PDE5A: variants seen among roughly 807,000 people sequenced by gnomAD.
PDE5A encodes phosphodiesterase 5A, also known as cGMP-specific 3',5'-cyclic phosphodiesterase.
Under a neutral mutation model 110.2 loss-of-function variants are expected in PDE5A, and 67 were observed. The ratio of observed to expected loss-of-function variants is 0.61; its 90% CI spans 0.50 to 0.75. The LOEUF is 0.75. PDE5A is among the 30% of genes least tolerant of loss of function. The pLI, the probability that PDE5A is intolerant of heterozygous loss-of-function variation, is 0.00. For missense variants in PDE5A, 862 were observed against 1,045.1 expected, an observed-to-expected ratio of 0.82 and a Z score of 2.42; for synonymous variants, 328 against 351.2, an observed-to-expected ratio of 0.93 and a Z score of 0.74.
intron 13 of PDE5A, 156 bp from the exon 14 acceptor site, chr4:119,519,295 C>T: frequency 3.6e-6 from 2 of 559,748 alleles, no homozygotes; most frequent in East Asian, 5.8e-5. Flanking sequence ...TCCTATTCTT[C>T]AGGGAATTAG....
chr4:119,591,104 C>T (rs571531677), intron 3 of PDE5A, among the ~76,000 whole-genome samples: 2 of 152,254 alleles, frequency 1.3e-5, no homozygotes, highest in South Asian at 4.2e-4. Flanking sequence ...AGAGGGTAAT[C>T]AATAGACTAT....
At chr4:119,604,521 T>G (rs747421443) in intron 2 of PDE5A, among the ~76,000 whole-genome samples, 1 of 152,128 alleles carries the variant, frequency 6.6e-6, no homozygotes, top group Non-Finnish European at 1.5e-5. Context: ...AATACCCCTC[T>G]TGGAATCTGC....
chr4:119,504,487 A>G, intron 18 of PDE5A, 49 bp downstream of exon 18: 1 of 1,428,898 alleles, frequency 7.0e-7, no homozygotes, highest in Non-Finnish European at 9.8e-7. Flanking sequence ...TGCTGGGTAG[A>G]ATGTTATTTT....
rs1725601518 is a variant in PDE5A at position 119,507,688 on chromosome 4, C to T, written c.2105G>A (p.Ser702Asn). 1.3e-6 allele frequency: 2 copies of T among 1,582,932 alleles called. No individual in the cohort carries two copies. The highest frequency in any genetic ancestry group is 1.2e-5 in the South Asian group (1 of 85,602). Reference protein sequence around the residue: ...ILNSPGNQILSGLSIEEYKTT... With the variant: ...ILNSPGNQILNGLSIEEYKTT... ...CTTATATTCTTCAATGGAGAGGCCACTGAGAATCTGATTGCCCTTTATAAA... is the reference window on the plus strand; with the variant it reads ...CTTATATTCTTCAATGGAGAGGCCATTGAGAATCTGATTGCCCTTTATAAA... Residue 702 changes from serine (S) to asparagine (N), a missense_variant, in exon 16 of 21, where the codon AGT becomes AAT. Transcript: ENST00000354960.
chr4:119,609,126 C>A (rs961552664), intron 1 of PDE5A, among the ~76,000 whole-genome samples: 1 of 151,624 alleles, frequency 6.6e-6, no homozygotes, highest in South Asian at 2.1e-4. Flanking sequence ...CGCGCCATTG[C>A]ACTCCAGCCT....
rs138621648 is a variant in PDE5A, at chr4:119,542,464, A to C, written c.1567T>G (p.Leu523Val). The C allele has an allele frequency of 1.9e-6, 3 of 1,613,716 alleles. No individual in the cohort carries two copies. The South Asian group carries it at 3.3e-5, about 18-fold the overall frequency. The part of the protein sequence containing the change: ...ERAMAKQMVT[L>V]EVLSYHASAA... The stretch of plus-strand genomic sequence containing the variant: ...GGTCCCTAAACTTCACCCACCTCCA[A>C]TGTGACCATTTGCTTGGCCATGGCT... Residue 523 changes from leucine (L) to valine (V), a missense_variant, in exon 10 of 21, where the codon TTG becomes GTG. Leu to Val is a conservative substitution (Grantham distance 32). Coordinates refer to ENST00000354960, the MANE Select transcript of PDE5A (RefSeq NM_001083.4).
chr4:119,516,133 A>C (rs1725899581), intron 14 of PDE5A, among the ~76,000 whole-genome samples: 1 of 152,212 alleles, frequency 6.6e-6, no homozygotes. Context: ...CCACATTTTA[A>C]GACCAAGTTT....
At chr4:119,529,069 T>C (rs1726432882) in intron 11 of PDE5A, among the ~76,000 whole-genome samples, 1 of 152,108 alleles carries the variant, frequency 6.6e-6, no homozygotes, top group Non-Finnish European at 1.5e-5. Context: ...CTCTTCTTAT[T>C]GCAATAATGT....
chr4:119,561,453 C>T (rs1727743625), intron 6 of PDE5A, among the ~76,000 whole-genome samples: 3 of 152,138 alleles, frequency 2.0e-5, no homozygotes, highest in Non-Finnish European at 2.9e-5. Context: ...TTCCAAGTAG[C>T]ACTGATCCAA....
chr4:119,554,527 C>T (rs991398863), intron 7 of PDE5A, among the ~76,000 whole-genome samples: 4 of 152,002 alleles, frequency 2.6e-5, no homozygotes, highest in Non-Finnish European at 1.5e-5. Context: ...CGTATGTTCC[C>T]TTGTGGTGAT....
At chr4:119,528,460 G>T (rs1364930311) in intron 11 of PDE5A, among the ~76,000 whole-genome samples, 1 of 152,056 alleles carries the variant, frequency 6.6e-6, no homozygotes, top group Admixed American at 6.6e-5. Flanking sequence ...GTAAACTGAT[G>T]TGCAGCTGAC....
chr4:119,567,553 A>C (rs1255278231), intron 3 of PDE5A, among the ~76,000 whole-genome samples: 1 of 152,188 alleles, frequency 6.6e-6, no homozygotes, highest in Non-Finnish European at 1.5e-5. Context: ...AAAACGGCTA[A>C]ATGCTCTTTT....
intron 14 of PDE5A, among the ~76,000 whole-genome samples, chr4:119,517,928 A>T (rs887075842): frequency 6.6e-6 from 1 of 152,136 alleles, no homozygotes; most frequent in African/African-American, 2.4e-5. Context: ...TTGCAATCAC[A>T]TGACAAAGCA....
intron 14 of PDE5A, among the ~76,000 whole-genome samples, chr4:119,517,487 A>G (rs996023875): frequency 1.4e-5 from 2 of 147,642 alleles, no homozygotes; most frequent in Non-Finnish European, 3.0e-5. Context: ...AAAATCTTTG[A>G]AACTGCTTTA....
At chr4:119,590,235 A>T (rs889478892) in intron 3 of PDE5A, among the ~76,000 whole-genome samples, 4 of 152,174 alleles carry the variant, frequency 2.6e-5, no homozygotes, top group Non-Finnish European at 5.9e-5. Flanking sequence ...ATGAACTAAT[A>T]CTTGCCAGAT....
chr4:119,598,139 CA>C (rs1729218360), intron 2 of PDE5A, among the ~76,000 whole-genome samples: 1 of 152,142 alleles, frequency 6.6e-6, no homozygotes, highest in Non-Finnish European at 1.5e-5. Context: ...AATACATCCT[CA>C]GTGTTACTTT....
At chr4:119,590,876 C>G (rs1728939856) in intron 3 of PDE5A, among the ~76,000 whole-genome samples, 1 of 152,110 alleles carries the variant, frequency 6.6e-6, no homozygotes, top group African/African-American at 2.4e-5. Context: ...TCTTTAAAAA[C>G]CAGTGTCACT....
At position 119,496,764 on chromosome 4, in the gene PDE5A, T is replaced by C. The variant is rs1232355388; in HGVS notation, c.*1837A>G. 6.6e-6 allele frequency: 1 copy of C among 152,588 alleles called. No individual in the cohort carries two copies. The highest frequency in any genetic ancestry group is 1.5e-5 in the Non-Finnish European group (1 of 68,002). The allele number at this position is 152,588 out of a possible 1,614,324, so 9.5% of individuals were successfully genotyped here. A position where few individuals can be genotyped will look rare whatever the true frequency, so the allele number is the denominator to read the frequency against. ...TAACTATTATTTTAGTGATAGTCTGTGTATTTTACACACCAGTGCCACAAA... is the reference window on the plus strand; with the variant it reads ...TAACTATTATTTTAGTGATAGTCTGCGTATTTTACACACCAGTGCCACAAA... On this transcript the variant is annotated 3_prime_UTR_variant, in exon 21 of 21. Transcript: ENST00000354960.
intron 1 of PDE5A, among the ~76,000 whole-genome samples, chr4:119,623,574 G>A (rs926655209): frequency 2.6e-5 from 4 of 152,172 alleles, no homozygotes; most frequent in Non-Finnish European, 4.4e-5. Flanking sequence ...GAAGCTACAA[G>A]CTTTACCTAT....
Sources: gnomAD v4.1 joint callset for allele counts (sites outside exome capture counted in the v4.1 genomes callset) on GRCh38, gnomAD v4.1.1 for gene constraint, MANE v1.5 for transcripts, NCBI Gene and HGNC (gene_info 2026-07-23, HGNC 2026-07-21) for gene names.